Variants in SNTG2 observed in about 807,000 individuals in gnomAD.
SNTG2 encodes the protein syntrophin gamma 2, also known as gamma-2-syntrophin.
A neutral mutation model predicts 70.9 loss-of-function variants in SNTG2; 74 were observed. The ratio of observed to expected loss-of-function variants is 1.04; its 90% confidence interval spans 0.86 to 1.27. The LOEUF is 1.27. SNTG2 is among the 50% of genes most tolerant of loss of function. The pLI is 0.00. For missense variants in SNTG2, 717 were observed against 690.7 expected (o/e 1.04, Z -0.43); for synonymous variants, 278 against 273.8 (o/e 1.02, Z -0.15).
At chr2:1,176,150 G>A (rs1671460652) in intron 8 of SNTG2, among the ~76,000 whole-genome samples, 1 of 152,186 alleles carries the variant, frequency 6.6e-6, no homozygotes. Flanking sequence ...AAAATTCTTT[G>A]TAGTTATTCA....
intron 2 of SNTG2, among the ~76,000 whole-genome samples, chr2:1,090,697 G>A (rs1019564225): frequency 4.6e-5 from 7 of 152,128 alleles, no homozygotes; most frequent in Non-Finnish European, 1.0e-4. Flanking sequence ...GGGGTGGGCT[G>A]TCTGCATGTA....
At chr2:1,152,384 G>A (rs372512414) in intron 6 of SNTG2, among the ~76,000 whole-genome samples, 1 of 152,194 alleles carries the variant, frequency 6.6e-6, no homozygotes, top group Non-Finnish European at 1.5e-5. Flanking sequence ...TACGTGTGAG[G>A]CCGTGTGCAT....
intron 1 of SNTG2, among the ~76,000 whole-genome samples, chr2:1,024,827 G>A (rs909710076): frequency 6.6e-6 from 1 of 152,188 alleles, no homozygotes; most frequent in Admixed American, 6.5e-5. Context: ...TGGCACTGAG[G>A]TGACATAGGT....
At chr2:1,304,728 C>CA (rs58886426) in intron 14 of SNTG2, among the ~76,000 whole-genome samples, 213 of 140,772 alleles carry the variant, frequency 1.5e-3, no homozygotes, top group Middle Eastern at 3.9e-3. Flanking sequence ...CTCTCTCTCT[C>CA]AAAAAAAAAA....
At chr2:1,252,041 G>A (rs546137561) in intron 12 of SNTG2, among the ~76,000 whole-genome samples, 1 of 152,316 alleles carries the variant, frequency 6.6e-6, no homozygotes, top group South Asian at 2.1e-4. Flanking sequence ...TGAGTTCAGA[G>A]ACAAGAACTG....
chr2:1,084,931 G>T (rs1664581315), intron 2 of SNTG2, among the ~76,000 whole-genome samples: 1 of 152,152 alleles, frequency 6.6e-6, no homozygotes, highest in African/African-American at 2.4e-5. Flanking sequence ...ACCTCCCACA[G>T]CCCACACCCC....
chr2:1,095,421 T>C (rs1239184558), intron 2 of SNTG2, among the ~76,000 whole-genome samples: 1 of 152,184 alleles, frequency 6.6e-6, no homozygotes, highest in Non-Finnish European at 1.5e-5. Context: ...AAAGCAGGTA[T>C]GAAATAAATA....
At chr2:1,176,882 G>A (rs992848796) in intron 8 of SNTG2, among the ~76,000 whole-genome samples, 3 of 152,118 alleles carry the variant, frequency 2.0e-5, no homozygotes, top group Admixed American at 6.5e-5. Context: ...ACTGTTGGTG[G>A]GAATGTAAAT....
chr2:1,205,131 G>A (rs896994219), intron 8 of SNTG2, among the ~76,000 whole-genome samples: 2 of 152,022 alleles, frequency 1.3e-5, no homozygotes, highest in Non-Finnish European at 2.9e-5. Context: ...ATCAGAGAAC[G>A]TAGACTTAAG....
intron 16 of SNTG2, among the ~76,000 whole-genome samples, chr2:1,348,045 C>T (rs1164171913): frequency 6.6e-6 from 1 of 151,718 alleles, no homozygotes; most frequent in East Asian, 1.9e-4. Context: ...AAATCTGTAT[C>T]CCCGGGTTGC....
intron 16 of SNTG2, among the ~76,000 whole-genome samples, chr2:1,363,105 T>C (rs1661287940): frequency 1.3e-5 from 2 of 148,266 alleles, no homozygotes; most frequent in Admixed American, 6.9e-5. Context: ...ATGGAATGAC[T>C]CCTGTGAAAC....
chr2:989,400 G>C (rs1050121176), intron 1 of SNTG2, among the ~76,000 whole-genome samples: 1 of 150,756 alleles, frequency 6.6e-6, no homozygotes, highest in African/African-American at 2.4e-5. Context: ...CTAGTTTGCT[G>C]AGGGTTTTTA....
intron 1 of SNTG2, among the ~76,000 whole-genome samples, chr2:996,673 G>GTTTTTTTTTGTTTTTTTTT (rs1661691160): frequency 2.8e-5 from 1 of 35,114 alleles, no homozygotes; most frequent in African/African-American, 1.3e-4. Context: ...GAGTTACCCA[G>GTTTTTTTTTGTTTTTTTTT]TTTTTTTTTT....
At chr2:1,137,313 CAT>C (rs1014436520) in intron 4 of SNTG2, among the ~76,000 whole-genome samples, 1 of 151,796 alleles carries the variant, frequency 6.6e-6, no homozygotes, top group Non-Finnish European at 1.5e-5. Flanking sequence ...CACACACACA[CAT>C]CTCACGTGGA....
At chr2:1,307,435 CTG>C (rs35500323) in intron 14 of SNTG2, among the ~76,000 whole-genome samples, 1,938 of 137,856 alleles carry the variant, frequency 0.014, 23 homozygotes, top group African/African-American at 0.028. Flanking sequence ...GAGCCGTGTA[CTG>C]TGTGTGTGTG....
At chr2:1,204,647 T>C (rs1344451509) in intron 8 of SNTG2, among the ~76,000 whole-genome samples, 1 of 152,220 alleles carries the variant, frequency 6.6e-6, no homozygotes, top group Non-Finnish European at 1.5e-5. Flanking sequence ...ATAAGCTCTT[T>C]ATAGAGAGAC....
chr2:1,103,838 C>G (rs1558402592), intron 4 of SNTG2, among the ~76,000 whole-genome samples: 1 of 152,192 alleles, frequency 6.6e-6, no homozygotes, highest in Non-Finnish European at 1.5e-5. Flanking sequence ...GTGCTAAGCA[C>G]TGTCCTCTGT....
At chr2:1,102,215 T>C (rs1028079376) in intron 4 of SNTG2, among the ~76,000 whole-genome samples, 1 of 152,106 alleles carries the variant, frequency 6.6e-6, no homozygotes, top group African/African-American at 2.4e-5. Context: ...TTTTTTGTAA[T>C]GTGGTTAATG....
chr2:1,207,689 G>C (rs1480418729), intron 8 of SNTG2, among the ~76,000 whole-genome samples: 1 of 152,004 alleles, frequency 6.6e-6, no homozygotes, highest in Non-Finnish European at 1.5e-5. Flanking sequence ...CCTCATCCAC[G>C]TGGAAGCGAA....
Sources: allele counts gnomAD v4.1 joint callset (sites outside exome capture counted in the v4.1 genomes callset), GRCh38; gene constraint gnomAD v4.1.1; transcripts MANE v1.5; gene names NCBI Gene and HGNC (gene_info 2026-07-23, HGNC 2026-07-21).